Variants in RGL1 observed in about 807,000 individuals in gnomAD.
The protein encoded by RGL1 is ral guanine nucleotide dissociation stimulator-like 1.
In RGL1, 24 loss-of-function variants were observed where a neutral mutation model predicts 95.2. The observed-to-expected ratio is 0.25, with a 90% CI of 0.18 to 0.35. The LOEUF (loss-of-function observed/expected upper bound fraction) is 0.35, where lower values mean the gene tolerates loss of function less well. Among genes scored for constraint, RGL1 ranks in the 10% least tolerant of loss-of-function variants. The probability of loss-of-function intolerance (pLI) is 1.00; values close to 1 mark genes in which losing one functional copy is unlikely to be tolerated. For missense variants in RGL1, 715 were observed against 936.3 expected (o/e 0.76, Z 3.08); for synonymous variants, 329 against 344.9 (o/e 0.95, Z 0.51).
chr1:183,778,668 G>A (rs189073434), intron 2 of RGL1, among the ~76,000 whole-genome samples: 48 of 152,192 alleles, frequency 3.2e-4, no homozygotes, highest in African/African-American at 1.1e-3. Flanking sequence ...AAAAGGGTCT[G>A]GATTCTATAT....
chr1:183,717,200 A>T (rs1443603403), intron 1 of RGL1, among the ~76,000 whole-genome samples: 2 of 152,200 alleles, frequency 1.3e-5, no homozygotes, highest in African/African-American at 4.8e-5. Flanking sequence ...GAATTTTGTT[A>T]GTTCTTCTTT....
chr1:183,812,056 G>T lies in RGL1; in HGVS notation c.138+5571G>T, dbSNP rs138578446. ...CTCCCTTTAGTTTCCTTTGCCCATG[G>T]TATATGTGTCTCTTTAAGCTTCCCC... On this transcript the variant is annotated intron_variant, in intron 2 of 17. Coordinates refer to ENST00000360851, the MANE Select transcript of RGL1 (RefSeq NM_001297671.3). 3.0e-3 allele frequency among the ~76,000 whole-genome samples: 453 copies of T among 152,158 alleles called. 2 individuals are homozygous for T. Among genetic ancestry groups the T allele is most frequent in the African/African-American group, 0.011 (437 of 41,528 alleles).
rs530099229 is a variant in RGL1 at position 183,658,782 on chromosome 1, C to A, written c.-33+22281C>A. Among the ~76,000 whole-genome samples, 629 of 152,278 alleles carry A rather than the reference C, an allele frequency of 4.1e-3. 2 individuals carry two copies. The highest frequency in any genetic ancestry group is 6.2e-3 in the Non-Finnish European group (419 of 68,022). On this transcript the variant is annotated intron_variant, in intron 1 of 18. Transcript: ENST00000304685. The stretch of plus-strand genomic sequence containing the variant: ...TCAAGTGGGTCCCTGACCCCTGACC[C>A]CCGAGTAGCCTAACTGGGAGGCACC...
At chr1:183,899,602 T>A (rs534288152) in intron 10 of RGL1, among the ~76,000 whole-genome samples, 1 of 152,362 alleles carries the variant, frequency 6.6e-6, no homozygotes, top group East Asian at 1.9e-4. Flanking sequence ...GTGACACGAA[T>A]GATGTTGATC....
intron 16 of RGL1, among the ~76,000 whole-genome samples, chr1:183,919,084 A>C (rs1669162027): frequency 6.6e-6 from 1 of 152,258 alleles, no homozygotes; most frequent in Admixed American, 6.5e-5. Context: ...GATATTTACC[A>C]CATTAGATAT....
At chr1:183,674,553 G>A (rs990511121) in intron 1 of RGL1, among the ~76,000 whole-genome samples, 4 of 152,174 alleles carry the variant, frequency 2.6e-5, no homozygotes, top group African/African-American at 4.8e-5. Flanking sequence ...AGCCTTGATG[G>A]ATCATTTACC....
In RGL1 at chr1:183,907,095, T is replaced by C. The variant is rs1668378606; in HGVS notation, c.1556T>C (p.Leu519Pro). The change falls in exon 14 of 18, where the codon CTC (leucine) becomes CCC (proline). Residue 519 changes from leucine to proline, a missense_variant. Leu to Pro is a moderately conservative substitution (Grantham distance 98). Transcript: ENST00000360851. ...PKPRKSMVKR[L>P]SLLFLGSDMI... ...CCTCGGAAGAGCATGGTGAAGAGAC[T>C]CAGCCTGTGAGTGTCCCCTGGGGGT... 1 of 1,604,710 alleles carries C rather than the reference T, an allele frequency of 6.2e-7. No individual in the cohort carries two copies. Among genetic ancestry groups the C allele is most frequent in the Non-Finnish European group, 8.5e-7 (1 of 1,172,846 alleles).
intron 10 of RGL1, among the ~76,000 whole-genome samples, chr1:183,899,842 G>A (rs945091009): frequency 6.6e-6 from 1 of 152,176 alleles, no homozygotes; most frequent in Admixed American, 6.5e-5. Flanking sequence ...CCCATGCTCT[G>A]AAAGAGAACA....
chr1:183,916,393 G>A (rs1668970918), intron 15 of RGL1, 54 bp from the exon 16 acceptor site: 1 of 1,594,702 alleles, frequency 6.3e-7, no homozygotes, highest in African/African-American at 1.3e-5. Context: ...AAATTGCAAA[G>A]CTGTTGGCCA....
chr1:183,739,407 G>A (rs918262289), intron 1 of RGL1, among the ~76,000 whole-genome samples: 1 of 152,234 alleles, frequency 6.6e-6, no homozygotes, highest in African/African-American at 2.4e-5. Flanking sequence ...CTAGGAGAGA[G>A]AGCATGAACT....
In RGL1 at chr1:183,761,714, A is replaced by G. The variant is rs565784762; in HGVS notation, c.132+19425A>G. On this transcript the variant is annotated intron_variant, in intron 2 of 18. Coordinates refer to the RGL1 transcript ENST00000304685. ...AGGCATTGACTTTTCCTCTCTAGCT[A>G]TGATAGTCCAAAACGGCATCTTCTT... is the stretch of plus-strand genomic sequence containing the variant. Among the ~76,000 whole-genome samples the G allele has an allele frequency of 9.8e-5, 15 of 152,332 alleles. No individual in the cohort carries two copies. In the South Asian group the frequency reaches 1.0e-3, roughly 11 times the overall value.
At chr1:183,837,780 G>T (rs1269405015) in intron 2 of RGL1, among the ~76,000 whole-genome samples, 2 of 152,202 alleles carry the variant, frequency 1.3e-5, no homozygotes, top group African/African-American at 4.8e-5. Flanking sequence ...ATGAACGGGG[G>T]TTGAGGGGTG....
In RGL1 at chr1:183,660,926, T is replaced by C. The variant is rs542033823; in HGVS notation, c.-33+24425T>C. On this transcript the variant is annotated intron_variant, in intron 1 of 18. Coordinates refer to the RGL1 transcript ENST00000304685. ...ACTCACTCAAAACCGCTCAACTACA[T>C]GGAAACCGAACAACCTGCTCTTGAA... Among the ~76,000 whole-genome samples, 79 of 152,218 alleles carry C rather than the reference T, an allele frequency of 5.2e-4. 1 individual carries two copies. The highest frequency in any genetic ancestry group is 5.1e-3 in the Admixed American group (78 of 15,284).
intron 1 of RGL1, among the ~76,000 whole-genome samples, chr1:183,689,349 G>A (rs1009792562): frequency 2.0e-5 from 3 of 152,124 alleles, no homozygotes; most frequent in Non-Finnish European, 4.4e-5. Context: ...GTGAAGAGAG[G>A]ATAAGAGACA....
chr1:183,684,909 T>C (rs1353062064), intron 1 of RGL1, among the ~76,000 whole-genome samples: 1 of 152,182 alleles, frequency 6.6e-6, no homozygotes, highest in Non-Finnish European at 1.5e-5. Flanking sequence ...TCACCCTCCA[T>C]GGGCTGCACC....
chr1:183,815,885 A>G lies in RGL1; in HGVS notation c.138+9400A>G, dbSNP rs551463991. Among the ~76,000 whole-genome samples the G allele has an allele frequency of 1.1e-3, 165 of 152,270 alleles. 1 individual carries two copies. The highest frequency in any genetic ancestry group is 3.8e-3 in the African/African-American group (158 of 41,550). On this transcript the variant is annotated intron_variant, in intron 2 of 17. Transcript: ENST00000360851. The stretch of plus-strand genomic sequence containing the variant: ...TCAGGGCCCTCTAGAACCCTGCCAT[A>G]GAACCTTGGAGAGACCTGGGTGGCT...
At position 183,748,364 on chromosome 1, in the gene RGL1, G is replaced by A. The variant is rs115310545; in HGVS notation, c.132+6075G>A. On this transcript the variant is annotated intron_variant, in intron 2 of 18. Coordinates refer to the RGL1 transcript ENST00000304685. ...TTCTTGTCTTCTACTAGTCTTCTAC[G>A]AGCTTTTGAATTTGTTTGCTTCTCT... 8.5e-3 allele frequency among the ~76,000 whole-genome samples: 1,231 copies of A among 144,958 alleles called. 21 individuals are homozygous for A. Among genetic ancestry groups the A allele is most frequent in the African/African-American group, 0.029 (1,150 of 39,428 alleles).
intron 1 of RGL1, among the ~76,000 whole-genome samples, chr1:183,705,738 G>A (rs1654873450): frequency 6.6e-6 from 1 of 152,200 alleles, no homozygotes; most frequent in Non-Finnish European, 1.5e-5. Flanking sequence ...GGACATACTA[G>A]GGGTATGGCT....
At chr1:183,869,957 T>G (rs900206017) in intron 4 of RGL1, among the ~76,000 whole-genome samples, 2 of 152,182 alleles carry the variant, frequency 1.3e-5, no homozygotes, top group African/African-American at 4.8e-5. Flanking sequence ...CCTACAGACA[T>G]TTTGGTTGTC....
Sources: gnomAD v4.1 joint callset for allele counts (sites outside exome capture counted in the v4.1 genomes callset) on GRCh38, gnomAD v4.1.1 for gene constraint, MANE v1.5 for transcripts, NCBI Gene and HGNC (gene_info 2026-07-23, HGNC 2026-07-21) for gene names.